Variants in CFAP299 observed in about 807,000 individuals in gnomAD.
The protein encoded by CFAP299 is cilia- and flagella-associated protein 299.
CFAP299 carries 21 observed loss-of-function variants against 27.0 expected under a neutral mutation model. That is an observed-to-expected ratio of 0.78 (90% CI 0.55 to 1.12). The LOEUF is 1.12. CFAP299 is among the 50% of genes most tolerant of loss of function. The probability of loss-of-function intolerance (pLI) is 0.00; values close to 1 mark genes in which losing one functional copy is unlikely to be tolerated. For missense variants in CFAP299, 310 were observed against 276.6 expected (o/e 1.12, Z -0.86); for synonymous variants, 104 against 98.1 (o/e 1.06, Z -0.36).
intron 4 of CFAP299, among the ~76,000 whole-genome samples, chr4:80,883,741 A>G (rs1013583392): frequency 6.6e-5 from 10 of 152,220 alleles, no homozygotes; most frequent in African/African-American, 2.2e-4. Context: ...TAATTTTTTA[A>G]AATATGCACT....
intron 3 of CFAP299, among the ~76,000 whole-genome samples, chr4:80,597,445 T>C (rs2109895333): frequency 6.6e-6 from 1 of 152,294 alleles, no homozygotes; most frequent in East Asian, 1.9e-4. Flanking sequence ...TTTGTACATA[T>C]TCTGGATAAA....
chr4:80,792,614 A>G (rs1230419291), intron 3 of CFAP299, among the ~76,000 whole-genome samples: 1 of 152,126 alleles, frequency 6.6e-6, no homozygotes, highest in East Asian at 1.9e-4. Context: ...TTAATAAGGC[A>G]AATAGTCAAA....
At chr4:80,337,457 G>A (rs987011636) in intron 1 of CFAP299, among the ~76,000 whole-genome samples, 1 of 151,498 alleles carries the variant, frequency 6.6e-6, no homozygotes, top group African/African-American at 2.4e-5. Flanking sequence ...GAGTGCAGTG[G>A]CCCCATCTCG....
At chr4:80,933,283 G>A (rs1736721280) in intron 4 of CFAP299, among the ~76,000 whole-genome samples, 2 of 151,296 alleles carry the variant, frequency 1.3e-5, no homozygotes, top group Non-Finnish European at 2.9e-5. Flanking sequence ...TCATCCCTTT[G>A]ACCAACATCT....
intron 2 of CFAP299, among the ~76,000 whole-genome samples, chr4:80,514,497 G>A (rs1160607453): frequency 2.6e-5 from 4 of 152,014 alleles, no homozygotes; most frequent in Non-Finnish European, 4.4e-5. Context: ...GGAAAATTAT[G>A]AGCATAAAAA....
intron 3 of CFAP299, among the ~76,000 whole-genome samples, chr4:80,690,743 A>G (rs1387421547): frequency 6.6e-6 from 1 of 152,148 alleles, no homozygotes; most frequent in Non-Finnish European, 1.5e-5. Flanking sequence ...CAAAAAATTA[A>G]TGAATCCAGG....
intron 4 of CFAP299, among the ~76,000 whole-genome samples, chr4:80,892,684 A>T (rs1734368154): frequency 6.6e-6 from 1 of 152,186 alleles, no homozygotes; most frequent in Admixed American, 6.5e-5. Flanking sequence ...AATATATTTC[A>T]ATGATATAAA....
chr4:80,663,030 C>A (rs1420393608), intron 3 of CFAP299, among the ~76,000 whole-genome samples: 3 of 150,662 alleles, frequency 2.0e-5, no homozygotes, highest in Non-Finnish European at 4.4e-5. Context: ...AAAAAAAAAA[C>A]AACACATCAA....
intron 3 of CFAP299, among the ~76,000 whole-genome samples, chr4:80,672,714 T>C (rs1233249360): frequency 1.3e-5 from 2 of 152,252 alleles, no homozygotes; most frequent in African/African-American, 4.8e-5. Context: ...ATTCAACTTC[T>C]TCCTGGTTTA....
At chr4:80,900,720 C>T (rs1461875396) in intron 4 of CFAP299, among the ~76,000 whole-genome samples, 2 of 151,738 alleles carry the variant, frequency 1.3e-5, no homozygotes, top group Non-Finnish European at 2.9e-5. Context: ...GAAGAAAATA[C>T]AATTTAGTAG....
chr4:80,343,798 C>T (rs1578334627), intron 1 of CFAP299, among the ~76,000 whole-genome samples: 3 of 3,058 alleles, frequency 9.8e-4, no homozygotes. Context: ...GAGACTCCGT[C>T]TAAAAAAAAA....
chr4:80,386,183 CTG>C, intron 2 of CFAP299: 2 of 768,356 alleles, frequency 2.6e-6, no homozygotes, highest in Non-Finnish European at 4.1e-6. Context: ...GTCCGTCACT[CTG>C]AGGCCTCGAT....
intron 3 of CFAP299, among the ~76,000 whole-genome samples, chr4:80,844,928 T>C (rs1731087468): frequency 1.3e-5 from 2 of 152,212 alleles, no homozygotes; most frequent in African/African-American, 2.4e-5. Context: ...AATTAATTTT[T>C]GTATAAGGTG....
Position 80,799,924 on chromosome 4 carries a change from AT to A in CFAP299, c.334-70068del, listed in dbSNP as rs1257510987. 5.8e-3 allele frequency among the ~76,000 whole-genome samples: 262 copies of A among 45,014 alleles called. 9 individuals carry two copies. The highest frequency in any genetic ancestry group is 0.025 in the African/African-American group (249 of 9,794). 29.5% of individuals were successfully genotyped at this position (45,014 alleles called of 152,430 possible). ...TATTATAATATAATATATAATATAT[AT>A]ATTTATATATTATATTATATAAATA... On this transcript the variant is annotated intron_variant, in intron 3 of 5. Transcript: ENST00000358105.
intron 4 of CFAP299, among the ~76,000 whole-genome samples, chr4:80,925,357 AATGCAAC>A (rs146005772): frequency 0.017 from 2,604 of 152,108 alleles, 47 homozygotes; most frequent in Non-Finnish European, 0.026. Context: ...TGGATTTTTA[AATGCAAC>A]ATGATTTACG....
intron 3 of CFAP299, among the ~76,000 whole-genome samples, chr4:80,658,184 C>A (rs1397157565): frequency 6.6e-6 from 1 of 152,118 alleles, no homozygotes; most frequent in Admixed American, 6.6e-5. Flanking sequence ...CAAACAGGGA[C>A]AATTTGACTT....
At chr4:80,568,948 A>G (rs1449838252) in intron 2 of CFAP299, among the ~76,000 whole-genome samples, 5 of 152,102 alleles carry the variant, frequency 3.3e-5, no homozygotes, top group Admixed American at 3.3e-4. Flanking sequence ...AGTAAATTGT[A>G]AAGCAGGAGG....
At chr4:80,663,357 C>T (rs1406808443) in intron 3 of CFAP299, among the ~76,000 whole-genome samples, 1 of 151,954 alleles carries the variant, frequency 6.6e-6, no homozygotes, top group Non-Finnish European at 1.5e-5. Flanking sequence ...CATTGTTCAA[C>T]CCCCACTTAT....
intron 3 of CFAP299, among the ~76,000 whole-genome samples, chr4:80,715,533 T>C (rs1270340114): frequency 6.6e-6 from 1 of 152,002 alleles, no homozygotes; most frequent in East Asian, 1.9e-4. Context: ...GTCATAAATA[T>C]TGCACTTCTG....
Sources: allele counts gnomAD v4.1 joint callset (sites outside exome capture counted in the v4.1 genomes callset), GRCh38; gene constraint gnomAD v4.1.1; transcripts MANE v1.5; gene names NCBI Gene and HGNC (gene_info 2026-07-23, HGNC 2026-07-21).